Variants in RASGEF1A observed in about 807,000 individuals in gnomAD.
RASGEF1A encodes the protein ras-GEF domain-containing family member 1A.
A neutral mutation model predicts 56.4 loss-of-function variants in RASGEF1A; 18 were observed. The ratio of observed to expected loss-of-function variants is 0.32; its 90% CI spans 0.22 to 0.47. RASGEF1A has a LOEUF of 0.47. Among genes scored for constraint, RASGEF1A ranks in the 20% least tolerant of loss-of-function variants. RASGEF1A has a pLI of 1.00. For synonymous variants in RASGEF1A, 245 were observed against 242.6 expected (o/e 1.01, Z -0.09); for missense variants, 422 against 627.1 (o/e 0.67, Z 3.49).
chr10:43,249,578 C>T (rs1257420293), intron 1 of RASGEF1A, among the ~76,000 whole-genome samples: 1 of 152,258 alleles, frequency 6.6e-6, no homozygotes, highest in African/African-American at 2.4e-5. Flanking sequence ...GGTGCAGGGT[C>T]CTGCCCAGGC....
intron 1 of RASGEF1A, among the ~76,000 whole-genome samples, chr10:43,254,831 C>A (rs1032819695): frequency 6.6e-6 from 1 of 152,136 alleles, no homozygotes; most frequent in African/African-American, 2.4e-5. Context: ...AGGGAGGGAA[C>A]AAAGGAGACA....
At chr10:43,229,829 C>G (rs1005039916) in intron 1 of RASGEF1A, 2 of 1,011,554 alleles carry the variant, frequency 2.0e-6, no homozygotes, top group Non-Finnish European at 2.6e-6. Context: ...CTGGGGACCG[C>G]GGGGTCCGGG....
intron 1 of RASGEF1A, among the ~76,000 whole-genome samples, chr10:43,255,340 G>T (rs1013054520): frequency 6.6e-6 from 1 of 152,176 alleles, no homozygotes; most frequent in Non-Finnish European, 1.5e-5. Context: ...TGCCATCTGG[G>T]CCTGGACGGC....
At chr10:43,207,791 C>A (rs867095534) in intron 1 of RASGEF1A, 1 of 768,764 alleles carries the variant, frequency 1.3e-6, no homozygotes, top group Non-Finnish European at 1.6e-6. Context: ...TGTACCCCAA[C>A]GCGCTCTCCA....
At chr10:43,239,880 A>G (rs971650255) in intron 1 of RASGEF1A, among the ~76,000 whole-genome samples, 1 of 152,150 alleles carries the variant, frequency 6.6e-6, no homozygotes, top group African/African-American at 2.4e-5. Context: ...TGCCTGAAGC[A>G]GTAGATAACA....
rs891193864 is a variant in RASGEF1A, at chr10:43,238,096, C to G, written c.-7+28749G>C. Reference sequence around the variant, plus strand: ...TAGATTGAGACCCGCCTTTGGGGGGCGGAGGGAGGGGGGGTGCTGCAGATT... The same window carrying G: ...TAGATTGAGACCCGCCTTTGGGGGGGGGAGGGAGGGGGGGTGCTGCAGATT... On this transcript the variant is annotated intron_variant, in intron 1 of 12. Transcript: ENST00000395810. 4.8e-3 allele frequency among the ~76,000 whole-genome samples: 702 copies of G among 145,254 alleles called. 15 individuals carry two copies. Among genetic ancestry groups the G allele is most frequent in the Admixed American group, 0.032 (471 of 14,714 alleles).
At chr10:43,221,898 G>A (rs998672859) in intron 1 of RASGEF1A, among the ~76,000 whole-genome samples, 4 of 152,232 alleles carry the variant, frequency 2.6e-5, no homozygotes, top group Non-Finnish European at 5.9e-5. Flanking sequence ...GCTGGAAGCC[G>A]CCCAGGCCTC....
chr10:43,237,193 G>A (rs1219293683), intron 1 of RASGEF1A, among the ~76,000 whole-genome samples: 1 of 152,120 alleles, frequency 6.6e-6, no homozygotes, highest in East Asian at 1.9e-4. Flanking sequence ...GGCCTTGTGA[G>A]GGGGTCTTGG....
intron 1 of RASGEF1A, among the ~76,000 whole-genome samples, chr10:43,247,534 T>C (rs766540886): frequency 1.8e-4 from 28 of 152,338 alleles, no homozygotes; most frequent in Admixed American, 5.2e-4. Flanking sequence ...ATGAGTGTGG[T>C]TTATCCATAT....
At chr10:43,207,248 C>T (rs1016646925) in intron 1 of RASGEF1A, 12 of 985,566 alleles carry the variant, frequency 1.2e-5, no homozygotes, top group East Asian at 1.1e-4. Context: ...GCGAGACCCT[C>T]CTGCCATTTT....
intron 1 of RASGEF1A, among the ~76,000 whole-genome samples, chr10:43,260,809 T>C (rs1836515303): frequency 6.6e-6 from 1 of 152,254 alleles, no homozygotes; most frequent in Admixed American, 6.5e-5. Flanking sequence ...ATTTTTATCA[T>C]TTAACCCCAA....
At chr10:43,221,715 G>A (rs991135239) in intron 1 of RASGEF1A, among the ~76,000 whole-genome samples, 3 of 152,242 alleles carry the variant, frequency 2.0e-5, no homozygotes, top group Admixed American at 2.0e-4. Context: ...GGTCCAAGGG[G>A]CCCGTGCTGC....
chr10:43,206,647 G>T, intron 1 of RASGEF1A: 1 of 989,256 alleles, frequency 1.0e-6, no homozygotes, highest in Middle Eastern at 5.2e-4. Flanking sequence ...TCACTGAGGT[G>T]GGAGCCTGGG....
chr10:43,206,160 G>A (rs188329529), intron 1 of RASGEF1A, 38 bp from the exon 2 acceptor site: 14 of 1,498,976 alleles, frequency 9.3e-6, no homozygotes, highest in South Asian at 6.0e-5. Flanking sequence ...CATCAAAGGC[G>A]CCTCCACAGC....
chr10:43,217,815 C>A (rs1381021897), intron 1 of RASGEF1A, among the ~76,000 whole-genome samples: 1 of 152,190 alleles, frequency 6.6e-6, no homozygotes, highest in Non-Finnish European at 1.5e-5. Flanking sequence ...AAGGGTTCTC[C>A]CCCAACCACC....
At chr10:43,266,363 G>T (rs1836623755) in intron 1 of RASGEF1A, among the ~76,000 whole-genome samples, 1 of 152,248 alleles carries the variant, frequency 6.6e-6, no homozygotes, top group Non-Finnish European at 1.5e-5. Context: ...CCAATTCCTC[G>T]CCAAACAGCA....
chr10:43,202,509 G>A, intron 3 of RASGEF1A: 1 of 444,910 alleles, frequency 2.2e-6, no homozygotes, highest in East Asian at 7.0e-5. Flanking sequence ...GGGGAGAGGG[G>A]ACTGTGCCCG....
intron 1 of RASGEF1A, among the ~76,000 whole-genome samples, chr10:43,223,036 C>A (rs74491403): frequency 0.067 from 10,158 of 152,042 alleles, 916 homozygotes; most frequent in African/African-American, 0.2. Context: ...GAGGTAAACT[C>A]CCAAGAACAC....
At position 43,196,626 on chromosome 10, in the gene RASGEF1A, C is replaced by T; in HGVS notation, c.1349-78G>A. 5.3e-6 allele frequency: 7 copies of T among 1,317,558 alleles called. No homozygotes were observed. The highest frequency in any genetic ancestry group is 7.6e-6 in the Non-Finnish European group (7 of 920,458). 81.6% of individuals were successfully genotyped at this position (1,317,558 alleles called of 1,614,324 possible). A position where few individuals can be genotyped will look rare whatever the true frequency, so the allele number is the denominator to read the frequency against. ...GAACCCAGCTGTCCCTTCAGGAGTA[C>T]AGCCCAGCACAAGGGGACAGTGACC... On this transcript the variant is annotated intron_variant, in intron 11 of 12. Coordinates refer to ENST00000395810, the MANE Select transcript of RASGEF1A (RefSeq NM_145313.4). The surrounding 1 kb of genome is among the most constrained non-coding windows in gnomAD (Gnocchi z 4.6).
Sources: allele counts gnomAD v4.1 joint callset (sites outside exome capture counted in the v4.1 genomes callset), GRCh38; gene constraint gnomAD v4.1.1; non-coding constraint Gnocchi (gnomAD v3.1); transcripts MANE v1.5; gene names NCBI Gene and HGNC (gene_info 2026-07-23, HGNC 2026-07-21).